YWHAE: variants seen among roughly 807,000 people sequenced by gnomAD.
The protein encoded by YWHAE is tyrosine 3-monooxygenase/tryptophan 5-monooxygenase activation protein epsilon, also known as 14-3-3 protein epsilon.
YWHAE carries 4 observed loss-of-function variants against 30.1 expected under a neutral mutation model. That is an observed-to-expected ratio of 0.13 (90% CI 0.07 to 0.30). The LOEUF (loss-of-function observed/expected upper bound fraction) is 0.30, where lower values mean the gene tolerates loss of function less well. Among genes scored for constraint, YWHAE ranks in the 10% least tolerant of loss-of-function variants. The pLI is 1.00. For missense variants in YWHAE, 121 were observed against 315.9 expected (o/e 0.38, Z 4.68); for synonymous variants, 118 against 111.8 (o/e 1.06, Z -0.35).
intron 1 of YWHAE, among the ~76,000 whole-genome samples, chr17:1,390,577 T>A (rs568484999): frequency 6.6e-6 from 1 of 152,160 alleles, no homozygotes; most frequent in East Asian, 1.9e-4. Flanking sequence ...CCCTGCAAAT[T>A]AGTAGGCAAG....
chr17:1,357,440 C>T lies in YWHAE; in HGVS notation c.579-3093G>A, dbSNP rs1385302103. ...AAAAAAATACAAAAAATTAACCGGG[C>T]GTGGTGGCGGGTGCCTGTAGTACCA... On this transcript the variant is annotated intron_variant, in intron 4 of 5. Coordinates refer to ENST00000264335, the MANE Select transcript of YWHAE (RefSeq NM_006761.5). Among the ~76,000 whole-genome samples the T allele has an allele frequency of 1.6e-4, 24 of 149,430 alleles. No homozygotes were observed. In the East Asian group the frequency reaches 4.3e-3, roughly 27 times the overall value.
At chr17:1,379,865 C>CT (rs1053866011) in intron 1 of YWHAE, among the ~76,000 whole-genome samples, 1 of 152,184 alleles carries the variant, frequency 6.6e-6, no homozygotes, top group African/African-American at 2.4e-5. Context: ...GTAAATTATA[C>CT]TTTGTGTTCA....
intron 4 of YWHAE, among the ~76,000 whole-genome samples, chr17:1,360,629 G>A (rs190464111): frequency 1.2e-4 from 19 of 152,106 alleles, no homozygotes; most frequent in African/African-American, 4.6e-4. Flanking sequence ...AGTTGGGCAT[G>A]GTGGCAGGCC....
chr17:1,368,757 T>C (rs1310558051), intron 1 of YWHAE, among the ~76,000 whole-genome samples: 1 of 152,260 alleles, frequency 6.6e-6, no homozygotes, highest in Non-Finnish European at 1.5e-5. Context: ...AATCAGCAAG[T>C]CAAACATAAC....
At chr17:1,346,908 T>G (rs573481221) in intron 5 of YWHAE, among the ~76,000 whole-genome samples, 1 of 150,810 alleles carries the variant, frequency 6.6e-6, no homozygotes, top group East Asian at 1.9e-4. Context: ...TGAGAATTGC[T>G]TGAACCCAGG....
At chr17:1,360,957 T>A (rs1290445875) in intron 4 of YWHAE, 135 bp downstream of exon 4, 2 of 735,388 alleles carry the variant, frequency 2.7e-6, no homozygotes, top group Non-Finnish European at 2.3e-6. Context: ...CTATCCAAAG[T>A]AGTTTCAGTA....
intron 1 of YWHAE, among the ~76,000 whole-genome samples, chr17:1,384,774 C>T (rs889114122): frequency 2.6e-5 from 4 of 152,104 alleles, no homozygotes; most frequent in African/African-American, 4.8e-5. Context: ...GGCGCTATCT[C>T]GGCTCACTGC....
chr17:1,357,377 TG>T (rs1457428502), intron 4 of YWHAE, among the ~76,000 whole-genome samples: 1 of 96,334 alleles, frequency 1.0e-5, no homozygotes, highest in Non-Finnish European at 1.9e-5. Flanking sequence ...CACTCCAGCC[TG>T]GGGGACATAG....
At chr17:1,369,850 C>A (rs1158068992) in intron 1 of YWHAE, 1 of 148,618 alleles carries the variant, frequency 6.7e-6, no homozygotes, top group Non-Finnish European at 1.5e-5. Flanking sequence ...TGTACAACAG[C>A]ATTATGTCTA....
chr17:1,396,727 G>C (rs1046731265), intron 1 of YWHAE, among the ~76,000 whole-genome samples: 1 of 152,168 alleles, frequency 6.6e-6, no homozygotes, highest in African/African-American at 2.4e-5. Context: ...CCGGGTTCAA[G>C]TGATTCTCCT....
At chr17:1,390,446 T>C (rs768448443) in intron 1 of YWHAE, among the ~76,000 whole-genome samples, 1 of 152,218 alleles carries the variant, frequency 6.6e-6, no homozygotes, top group Non-Finnish European at 1.5e-5. Flanking sequence ...AATATGATCC[T>C]AGCACAGCAG....
intron 1 of YWHAE, among the ~76,000 whole-genome samples, chr17:1,396,644 C>T (rs2073476335): frequency 1.3e-5 from 2 of 152,204 alleles, no homozygotes; most frequent in African/African-American, 4.8e-5. Flanking sequence ...TCTATATTCC[C>T]CGTTTTTTAT....
chr17:1,350,967 G>A (rs967182398), intron 5 of YWHAE, among the ~76,000 whole-genome samples: 10 of 152,016 alleles, frequency 6.6e-5, no homozygotes, highest in African/African-American at 2.2e-4. Flanking sequence ...GCTGAGGCAG[G>A]AGAATCCTTT....
intron 1 of YWHAE, among the ~76,000 whole-genome samples, chr17:1,372,933 C>T (rs563431282): frequency 3.7e-4 from 56 of 151,928 alleles, no homozygotes; most frequent in African/African-American, 1.3e-3. Flanking sequence ...GAGACCCTGT[C>T]TCCAAAAATT....
chr17:1,364,749 T>C (rs1056350761), intron 2 of YWHAE, 110 bp downstream of exon 2: 4 of 1,264,252 alleles, frequency 3.2e-6, no homozygotes, highest in Admixed American at 2.1e-5. Context: ...TAACATACTG[T>C]AATACAAGTT....
chr17:1,365,919 T>C (rs975035785), intron 1 of YWHAE, among the ~76,000 whole-genome samples: 3 of 151,826 alleles, frequency 2.0e-5, no homozygotes, highest in Admixed American at 1.3e-4. Context: ...ACCCTGTCTC[T>C]AAAAAATAAA....
chr17:1,377,509 G>C (rs183389363), intron 1 of YWHAE, among the ~76,000 whole-genome samples: 1 of 152,298 alleles, frequency 6.6e-6, no homozygotes, highest in East Asian at 1.9e-4. Context: ...AGCTACTCCA[G>C]AAGCTGAGAC....
intron 4 of YWHAE, among the ~76,000 whole-genome samples, chr17:1,355,675 G>T (rs966673659): frequency 1.3e-5 from 2 of 152,064 alleles, no homozygotes; most frequent in East Asian, 3.9e-4. Context: ...AAAAAAAAGA[G>T]ACATAATCTA....
chr17:1,374,936 A>G (rs962127890), intron 1 of YWHAE, among the ~76,000 whole-genome samples: 3 of 152,130 alleles, frequency 2.0e-5, no homozygotes, highest in African/African-American at 7.2e-5. Flanking sequence ...ACAGGGTCTC[A>G]CTACGTTGCC....
Sources: allele counts gnomAD v4.1 joint callset (sites outside exome capture counted in the v4.1 genomes callset), GRCh38; gene constraint gnomAD v4.1.1; transcripts MANE v1.5; gene names NCBI Gene and HGNC (gene_info 2026-07-23, HGNC 2026-07-21).